The following CCDC178 variants were observed in gnomAD, a reference collection of about 807,000 sequenced individuals.
CCDC178 encodes coiled-coil domain containing 178.
CCDC178 carries 126 observed loss-of-function variants against 117.4 expected under a neutral mutation model. That is an observed-to-expected ratio of 1.07 (90% CI 0.93 to 1.24). The LOEUF is 1.24. Ranked by LOEUF, CCDC178 falls within the 50% of genes most tolerant of loss-of-function variation. The pLI is 0.00. For synonymous variants in CCDC178, 283 were observed against 313.4 expected, an observed-to-expected ratio of 0.90 and a Z score of 1.02; for missense variants, 1,030 against 986.9, an observed-to-expected ratio of 1.04 and a Z score of -0.59.
chr18:33,129,971 T>C (rs2058051238), intron 20 of CCDC178, among the ~76,000 whole-genome samples: 1 of 152,020 alleles, frequency 6.6e-6, no homozygotes, highest in Admixed American at 6.6e-5. Flanking sequence ...TTTTAGCTAT[T>C]TGCAAGTACA....
intron 8 of CCDC178, among the ~76,000 whole-genome samples, chr18:33,346,855 TA>T (rs2062901539): frequency 6.6e-6 from 1 of 152,182 alleles, no homozygotes; most frequent in Non-Finnish European, 1.5e-5. Flanking sequence ...TCTCATCCAA[TA>T]AGAACTTCTC....
At chr18:33,175,741 A>G (rs943980455) in intron 20 of CCDC178, among the ~76,000 whole-genome samples, 9 of 152,136 alleles carry the variant, frequency 5.9e-5, no homozygotes, top group Non-Finnish European at 1.5e-5. Flanking sequence ...GACTTTAGAA[A>G]GAAGCTTAAA....
chr18:33,394,317 C>A (rs369651268), intron 4 of CCDC178, among the ~76,000 whole-genome samples: 1 of 151,828 alleles, frequency 6.6e-6, no homozygotes. Context: ...TTTACAATAA[C>A]ACATATTAAT....
intron 6 of CCDC178, among the ~76,000 whole-genome samples, chr18:33,364,536 G>C (rs558436802): frequency 6.6e-6 from 1 of 151,920 alleles, no homozygotes; most frequent in Non-Finnish European, 1.5e-5. Flanking sequence ...CAGGAGCTAA[G>C]AAAAAAAGGA....
intron 14 of CCDC178, among the ~76,000 whole-genome samples, chr18:33,248,989 G>A (rs925209729): frequency 6.6e-6 from 1 of 152,172 alleles, no homozygotes; most frequent in African/African-American, 2.4e-5. Context: ...TCACATTGTG[G>A]TTTTGATTTG....
intron 20 of CCDC178, among the ~76,000 whole-genome samples, chr18:33,095,612 T>C (rs546494944): frequency 1.3e-5 from 2 of 152,114 alleles, no homozygotes; most frequent in Non-Finnish European, 2.9e-5. Flanking sequence ...AATAAATGCA[T>C]GTATGCACAT....
At chr18:33,133,133 T>C (rs2058086026) in intron 20 of CCDC178, among the ~76,000 whole-genome samples, 1 of 151,850 alleles carries the variant, frequency 6.6e-6, no homozygotes, top group African/African-American at 2.4e-5. Context: ...GAAGGAGTTT[T>C]GCTATTATAG....
At chr18:33,203,758 C>A (rs928397252) in intron 20 of CCDC178, among the ~76,000 whole-genome samples, 1 of 152,198 alleles carries the variant, frequency 6.6e-6, no homozygotes, top group Non-Finnish European at 1.5e-5. Context: ...TCTCTCTAGC[C>A]TCACCTATCA....
chr18:33,182,511 G>A (rs1334171622), intron 20 of CCDC178, among the ~76,000 whole-genome samples: 1 of 151,902 alleles, frequency 6.6e-6, no homozygotes, highest in Non-Finnish European at 1.5e-5. Flanking sequence ...TTTATATTGT[G>A]TGCTAAAGCA....
At chr18:33,166,460 T>C (rs1177342331) in intron 20 of CCDC178, among the ~76,000 whole-genome samples, 1 of 152,086 alleles carries the variant, frequency 6.6e-6, no homozygotes, top group African/African-American at 2.4e-5. Flanking sequence ...AGATTCCAAC[T>C]CTGATCCCAA....
At chr18:33,275,384 TAAC>T (rs1383611880) in intron 12 of CCDC178, among the ~76,000 whole-genome samples, 10 of 151,942 alleles carry the variant, frequency 6.6e-5, no homozygotes, top group Non-Finnish European at 1.0e-4. Flanking sequence ...AACCAATTCA[TAAC>T]AACAACAAAT....
chr18:33,090,507 A>G (rs1567982171), intron 21 of CCDC178, among the ~76,000 whole-genome samples: 1 of 152,202 alleles, frequency 6.6e-6, no homozygotes, highest in South Asian at 2.1e-4. Context: ...TACATGGGAA[A>G]TGCTGCAATA....
At chr18:33,315,273 G>A (rs939875131) in intron 11 of CCDC178, among the ~76,000 whole-genome samples, 1 of 152,134 alleles carries the variant, frequency 6.6e-6, no homozygotes, top group African/African-American at 2.4e-5. Context: ...GGTGAGGTAC[G>A]TGTGGTCACC....
intron 20 of CCDC178, among the ~76,000 whole-genome samples, chr18:33,105,458 C>T (rs1280147706): frequency 6.6e-6 from 1 of 151,566 alleles, no homozygotes; most frequent in African/African-American, 2.4e-5. Context: ...CTTTCGTGGG[C>T]ACAGAGGTAC....
At chr18:33,283,263 C>T (rs535259174) in intron 12 of CCDC178, among the ~76,000 whole-genome samples, 1 of 152,172 alleles carries the variant, frequency 6.6e-6, no homozygotes, top group South Asian at 2.1e-4. Flanking sequence ...AGTCAGTCGG[C>T]TGAATCCTCC....
chr18:33,207,726 A>G (rs2059062099), intron 20 of CCDC178, among the ~76,000 whole-genome samples: 1 of 152,028 alleles, frequency 6.6e-6, no homozygotes, highest in African/African-American at 2.4e-5. Context: ...TAAAAAATCT[A>G]TTCAAATTTC....
intron 21 of CCDC178, among the ~76,000 whole-genome samples, chr18:33,048,389 T>C (rs1381208427): frequency 1.3e-5 from 2 of 152,228 alleles, no homozygotes; most frequent in Non-Finnish European, 2.9e-5. Context: ...AACTATATTG[T>C]ATTATGGTAG....
At chr18:33,171,180 T>C (rs1372553179) in intron 20 of CCDC178, among the ~76,000 whole-genome samples, 2 of 152,184 alleles carry the variant, frequency 1.3e-5, no homozygotes, top group African/African-American at 2.4e-5. Flanking sequence ...GGCCATAAAA[T>C]AGACCTATCT....
intron 22 of CCDC178, chr18:32,954,137 T>A (rs142314128): frequency 6.6e-6 from 1 of 152,204 alleles, no homozygotes; most frequent in African/African-American, 2.4e-5. Context: ...AAATCTGATA[T>A]TTTCCTAATG....
Sources: gnomAD v4.1 joint callset for allele counts (sites outside exome capture counted in the v4.1 genomes callset) on GRCh38, gnomAD v4.1.1 for gene constraint, MANE v1.5 for transcripts, NCBI Gene and HGNC (gene_info 2026-07-23, HGNC 2026-07-21) for gene names.